The following ANO2 variants were observed in gnomAD, a reference collection of about 807,000 sequenced individuals.
The protein encoded by ANO2 is anoctamin-2.
ANO2 carries 101 observed loss-of-function variants against 124.2 expected under a neutral mutation model. The ratio of observed to expected loss-of-function variants is 0.81; its 90% confidence interval spans 0.69 to 0.96. The LOEUF is 0.96. Among genes scored for constraint, ANO2 ranks in the 40% least tolerant of loss-of-function variants. The pLI, the probability that ANO2 is intolerant of heterozygous loss-of-function variation, is 0.00. For missense variants in ANO2, 1,293 were observed against 1,274.5 expected, an observed-to-expected ratio of 1.01 and a Z score of -0.22; for synonymous variants, 486 against 482.5, an observed-to-expected ratio of 1.01 and a Z score of -0.09.
Position 5,578,512 on chromosome 12 carries a change from T to C in ANO2, c.2240A>G (p.Gln747Arg). 1 of 1,613,226 alleles carries C rather than the reference T, an allele frequency of 6.2e-7. No homozygotes were observed. Among genetic ancestry groups the C allele is most frequent in the Non-Finnish European group, 8.5e-7 (1 of 1,179,602 alleles). Residue 747 changes from glutamine (Q) to arginine (R), a missense_variant, in exon 21 of 25, where the codon CAG (glutamine) becomes CGG (arginine). Gln to Arg is a conservative substitution (Grantham distance 43). Transcript: ENST00000682330. Reference protein sequence around the residue: ...LTPEYMEMIIQFGFVTLFVAS... With the variant: ...LTPEYMEMIIRFGFVTLFVAS... ...CACGAAGAGGGTGACAAAACCAAACTGGATGACTGCGAGAGAGCACAGCAT... is the reference window on the plus strand; with the variant it reads ...CACGAAGAGGGTGACAAAACCAAACCGGATGACTGCGAGAGAGCACAGCAT...
chr12:5,914,202 A>C (rs1277309069), intron 3 of ANO2, among the ~76,000 whole-genome samples: 1 of 24,764 alleles, frequency 4.0e-5, no homozygotes, highest in African/African-American at 7.8e-5. Flanking sequence ...TCCATCTCAA[A>C]AAAGAAAAAA....
At chr12:5,568,136 C>CTTT (rs71445654) in intron 23 of ANO2, among the ~76,000 whole-genome samples, 42 of 112,762 alleles carry the variant, frequency 3.7e-4, no homozygotes, top group African/African-American at 4.4e-4. Context: ...CCACCCTATG[C>CTTT]TTTTTTTTTT....
intron 14 of ANO2, among the ~76,000 whole-genome samples, chr12:5,685,409 C>A (rs1948662394): frequency 6.6e-6 from 1 of 152,196 alleles, no homozygotes; most frequent in Non-Finnish European, 1.5e-5. Flanking sequence ...CCCTCCCAGT[C>A]AGATCAAGTC....
intron 10 of ANO2, among the ~76,000 whole-genome samples, chr12:5,766,021 A>G (rs1344194041): frequency 1.3e-5 from 2 of 152,218 alleles, no homozygotes; most frequent in Non-Finnish European, 2.9e-5. Context: ...CACACCCATC[A>G]AAGTGGCAAA....
intron 7 of ANO2, among the ~76,000 whole-genome samples, chr12:5,825,024 G>A (rs1953914292): frequency 6.6e-6 from 1 of 152,174 alleles, no homozygotes; most frequent in African/African-American, 2.4e-5. Flanking sequence ...GAAATTCTGG[G>A]AGATACAATT....
At chr12:5,569,453 T>C (rs1941972757) in intron 23 of ANO2, among the ~76,000 whole-genome samples, 2 of 152,230 alleles carry the variant, frequency 1.3e-5, no homozygotes, top group Non-Finnish European at 2.9e-5. Context: ...TTCATTTTCC[T>C]TGAGGCTTAA....
intron 14 of ANO2, among the ~76,000 whole-genome samples, chr12:5,702,221 G>A (rs1030540097): frequency 6.6e-6 from 1 of 152,050 alleles, no homozygotes; most frequent in Admixed American, 6.5e-5. Context: ...GTATACAGAA[G>A]ATGTGAAACC....
chr12:5,773,387 G>C (rs934811814), intron 10 of ANO2, among the ~76,000 whole-genome samples: 1 of 152,180 alleles, frequency 6.6e-6, no homozygotes, highest in South Asian at 2.1e-4. Flanking sequence ...TCATTTTATG[G>C]ATTGGGGAAC....
At chr12:5,570,568 C>T (rs1193865120) in intron 23 of ANO2, among the ~76,000 whole-genome samples, 2 of 152,140 alleles carry the variant, frequency 1.3e-5, no homozygotes, top group Non-Finnish European at 2.9e-5. Flanking sequence ...CTCAGATGTC[C>T]TCATCCTGTC....
chr12:5,871,094 G>A (rs559235070), intron 3 of ANO2, among the ~76,000 whole-genome samples: 5 of 152,212 alleles, frequency 3.3e-5, no homozygotes, highest in African/African-American at 9.6e-5. Context: ...GGCTCTCCAC[G>A]GCCCCAGTCG....
intron 14 of ANO2, among the ~76,000 whole-genome samples, chr12:5,665,361 G>A (rs371504089): frequency 2.0e-5 from 3 of 152,108 alleles, no homozygotes; most frequent in Non-Finnish European, 2.9e-5. Flanking sequence ...ATCCATCTCC[G>A]ACTCCACTGC....
At chr12:5,860,314 G>A (rs189714162) in intron 3 of ANO2, among the ~76,000 whole-genome samples, 41 of 152,148 alleles carry the variant, frequency 2.7e-4, no homozygotes, top group East Asian at 1.7e-3. Flanking sequence ...TTCACAGCAC[G>A]GACCCACTAT....
intron 7 of ANO2, among the ~76,000 whole-genome samples, chr12:5,825,185 C>T (rs1953919990): frequency 6.6e-6 from 1 of 152,166 alleles, no homozygotes; most frequent in South Asian, 2.1e-4. Context: ...TGGCAGTGGA[C>T]TCATGCTCAT....
chr12:5,710,730 T>C (rs1591965676), intron 14 of ANO2, among the ~76,000 whole-genome samples: 1 of 152,226 alleles, frequency 6.6e-6, no homozygotes, highest in South Asian at 2.1e-4. Flanking sequence ...TTCTGACTTC[T>C]AGGGAAAATG....
chr12:5,570,123 T>C (rs1942016332), intron 23 of ANO2, among the ~76,000 whole-genome samples: 1 of 152,236 alleles, frequency 6.6e-6, no homozygotes, highest in South Asian at 2.1e-4. Context: ...TGTTAATATT[T>C]TATCTAGATT....
At chr12:5,772,916 G>A (rs908478071) in intron 10 of ANO2, among the ~76,000 whole-genome samples, 2 of 152,236 alleles carry the variant, frequency 1.3e-5, no homozygotes, top group South Asian at 4.1e-4. Context: ...TTTGTGTGGA[G>A]CTGCTGACCC....
At chr12:5,910,946 G>A (rs1207667390) in intron 3 of ANO2, among the ~76,000 whole-genome samples, 2 of 152,170 alleles carry the variant, frequency 1.3e-5, no homozygotes, top group Non-Finnish European at 2.9e-5. Context: ...TCCTGAGGGT[G>A]AGTTCTTCCT....
chr12:5,898,674 A>C (rs1041075596), intron 3 of ANO2, among the ~76,000 whole-genome samples: 2 of 152,230 alleles, frequency 1.3e-5, no homozygotes, highest in Non-Finnish European at 2.9e-5. Flanking sequence ...AAGTTGAAAA[A>C]CAGGCAAAAC....
chr12:5,683,457 G>A (rs1004915403), intron 14 of ANO2, among the ~76,000 whole-genome samples: 1 of 152,084 alleles, frequency 6.6e-6, no homozygotes, highest in African/African-American at 2.4e-5. Flanking sequence ...AGACAAGTGA[G>A]TTAAAAAACA....
Sources: allele counts gnomAD v4.1 joint callset (sites outside exome capture counted in the v4.1 genomes callset), GRCh38; gene constraint gnomAD v4.1.1; transcripts MANE v1.5; gene names NCBI Gene and HGNC (gene_info 2026-07-23, HGNC 2026-07-21).